CCDC141: variants seen among roughly 807,000 people sequenced by gnomAD.
The protein encoded by CCDC141 is coiled-coil domain-containing protein 141.
In CCDC141, 168 loss-of-function variants were observed where a neutral mutation model predicts 181.0. That is an observed-to-expected ratio of 0.93 (90% CI 0.82 to 1.05). The LOEUF is 1.05. Ranked by LOEUF, CCDC141 falls within the 50% of genes least tolerant of loss-of-function variation. CCDC141 has a pLI of 0.00. For missense variants in CCDC141, 1,902 were observed against 1,788.5 expected (o/e 1.06, Z -1.14); for synonymous variants, 666 against 642.3 (o/e 1.04, Z -0.56).
intron 2 of CCDC141, among the ~76,000 whole-genome samples, chr2:179,015,714 C>CATATCTCATATATATCTCATATAT (rs1559050449): frequency 3.1e-5 from 4 of 128,032 alleles, no homozygotes; most frequent in Non-Finnish European, 4.9e-5. Flanking sequence ...ATATCTCATA[C>CATATCTCATATATATCTCATATAT]ATATCTCATA....
the CCDC141 span, among the ~76,000 whole-genome samples, chr2:178,824,061 A>AACACAAACACACACACAC: frequency 5.4e-5 from 8 of 147,428 alleles, no homozygotes; most frequent in African/African-American, 2.0e-4. Context: ...TACAGAGAAA[A>AACACAAACACACACACAC]ACACACACAC....
At chr2:179,042,879 AAG>A (rs1162170454) in intron 2 of CCDC141, among the ~76,000 whole-genome samples, 1 of 152,208 alleles carries the variant, frequency 6.6e-6, no homozygotes, top group Non-Finnish European at 1.5e-5. Flanking sequence ...GCTGAACTGA[AAG>A]AGATAGAGAC....
intron 23 of CCDC141, chr2:178,836,666 T>G: frequency 2.3e-6 from 1 of 431,228 alleles, no homozygotes; most frequent in South Asian, 4.0e-5. Flanking sequence ...TTTGGAAATT[T>G]GTTAAATTAT....
intron 21 of CCDC141, among the ~76,000 whole-genome samples, chr2:178,847,777 T>C (rs891989979): frequency 5.3e-5 from 8 of 152,150 alleles, no homozygotes; most frequent in African/African-American, 1.7e-4. Flanking sequence ...CTTAAGGCGA[T>C]AGTATTAGGA....
At chr2:178,937,250 T>A (rs1250439566) in intron 6 of CCDC141, among the ~76,000 whole-genome samples, 2 of 152,166 alleles carry the variant, frequency 1.3e-5, no homozygotes, top group Non-Finnish European at 2.9e-5. Context: ...CTCTTATTAT[T>A]TGGAGGTATG....
chr2:178,944,747 C>A, intron 5 of CCDC141, 96 bp from the exon 6 acceptor site: 1 of 477,864 alleles, frequency 2.1e-6, no homozygotes, highest in Admixed American at 3.8e-5. Flanking sequence ...AAAACTTAAG[C>A]TACTTTAATT....
chr2:178,926,694 G>A (rs1331403316), intron 6 of CCDC141: 1 of 152,166 alleles, frequency 6.6e-6, no homozygotes. Context: ...GGATCCAAAA[G>A]TACAGCTGGA....
rs1438406282 is a variant in CCDC141 at position 178,832,490 on chromosome 2, A to C, written c.*1683T>G. 1 of 151,172 alleles carries C rather than the reference A, an allele frequency of 6.6e-6. No homozygotes were observed. The highest frequency in any genetic ancestry group is 6.6e-5 in the Admixed American group (1 of 15,178). 9.4% of individuals were successfully genotyped at this position (151,172 alleles called of 1,614,324 possible). On this transcript the variant is annotated 3_prime_UTR_variant, in exon 24 of 24. Transcript: ENST00000443758. ...CAAAAAAAAAAAAAAAAAACAAAAA[A>C]AACAAAAAAAAGATAGTTAAGAGAA... is the stretch of plus-strand genomic sequence containing the variant.
chr2:178,933,061 G>C (rs1214932474), intron 6 of CCDC141, among the ~76,000 whole-genome samples: 1 of 152,088 alleles, frequency 6.6e-6, no homozygotes, highest in East Asian at 1.9e-4. Flanking sequence ...AAATCACTCA[G>C]TAACAACTAG....
rs1325967732 is a variant in CCDC141, at chr2:178,839,038, G to T, written c.3475-1294C>A. ...TGTCCTGCAGTAACTGATGCATATAGGAAAGTCACATCTTGCCTTGCCTTT... is the reference window on the plus strand; with the variant it reads ...TGTCCTGCAGTAACTGATGCATATATGAAAGTCACATCTTGCCTTGCCTTT... On this transcript the variant is annotated intron_variant, in intron 22 of 23. Transcript: ENST00000443758. Among the ~76,000 whole-genome samples, 4 of 152,150 alleles carry T rather than the reference G, an allele frequency of 2.6e-5. No individual in the cohort carries two copies. The East Asian group carries it at 5.8e-4, about 22-fold the overall frequency.
At chr2:179,027,781 T>C (rs755252812) in intron 2 of CCDC141, among the ~76,000 whole-genome samples, 13 of 151,110 alleles carry the variant, frequency 8.6e-5, no homozygotes, top group Non-Finnish European at 1.9e-4. Context: ...TCCCCAACCA[T>C]GTGGAACAGT....
intron 12 of CCDC141, among the ~76,000 whole-genome samples, 195 bp from the exon 13 acceptor site, chr2:178,872,507 G>T (rs1317858737): frequency 6.6e-6 from 1 of 152,046 alleles, no homozygotes; most frequent in Non-Finnish European, 1.5e-5. Flanking sequence ...TTAGACATCC[G>T]GTCCCGAGTT....
At chr2:178,853,058 A>G (rs1685232374) in intron 20 of CCDC141, among the ~76,000 whole-genome samples, 1 of 152,226 alleles carries the variant, frequency 6.6e-6, no homozygotes, top group Non-Finnish European at 1.5e-5. Flanking sequence ...TTCTTAAAGT[A>G]TTACTGAAAT....
intron 4 of CCDC141, among the ~76,000 whole-genome samples, chr2:178,962,854 G>C (rs1269470154): frequency 6.6e-6 from 1 of 151,908 alleles, no homozygotes; most frequent in Non-Finnish European, 1.5e-5. Context: ...CCTCACACAT[G>C]CTATACTCTC....
intron 22 of CCDC141, among the ~76,000 whole-genome samples, chr2:178,840,311 G>A (rs755085320): frequency 9.2e-5 from 14 of 152,142 alleles, no homozygotes; most frequent in Non-Finnish European, 1.6e-4. Flanking sequence ...TTGACTTGTT[G>A]GCCTTCCAGG....
chr2:178,863,256 C>T (rs1685698754), intron 17 of CCDC141, among the ~76,000 whole-genome samples: 1 of 152,168 alleles, frequency 6.6e-6, no homozygotes, highest in Non-Finnish European at 1.5e-5. Flanking sequence ...AATGAACATA[C>T]TGAACTGGAC....
At chr2:178,985,931 A>C (rs1425231357) in intron 2 of CCDC141, among the ~76,000 whole-genome samples, 2 of 152,216 alleles carry the variant, frequency 1.3e-5, no homozygotes, top group Non-Finnish European at 2.9e-5. Context: ...TATTCCAATC[A>C]ATAGAAAAAG....
Position 178,960,580 on chromosome 2 carries a change from G to GA in CCDC141, c.780+649_780+650insT, listed in dbSNP as rs201850129. Reference sequence around the variant, plus strand: ...AACATCTCACTTATTTGAGTTGGGGGTTTGCAAAGAGAGTTCTGCCCACTC... The same window carrying GA: ...AACATCTCACTTATTTGAGTTGGGGGATTTGCAAAGAGAGTTCTGCCCACTC... On this transcript the variant is annotated intron_variant, in intron 5 of 23. Transcript: ENST00000443758. Among the ~76,000 whole-genome samples, 1,295 of 152,260 alleles carry GA rather than the reference G, an allele frequency of 8.5e-3. 21 individuals carry two copies. The highest frequency in any genetic ancestry group is 0.03 in the African/African-American group (1,251 of 41,542).
At chr2:179,006,558 T>G (rs1297205162) in intron 2 of CCDC141, among the ~76,000 whole-genome samples, 1 of 152,208 alleles carries the variant, frequency 6.6e-6, no homozygotes, top group African/African-American at 2.4e-5. Context: ...CAACAGATAA[T>G]GAGTATTTAC....
Sources: gnomAD v4.1 joint callset for allele counts (sites outside exome capture counted in the v4.1 genomes callset) on GRCh38, gnomAD v4.1.1 for gene constraint, MANE v1.5 for transcripts, NCBI Gene and HGNC (gene_info 2026-07-23, HGNC 2026-07-21) for gene names.